Variants in ESRRG observed in about 807,000 individuals in gnomAD.
ESRRG encodes the protein estrogen related receptor gamma.
A neutral mutation model predicts 44.0 loss-of-function variants in ESRRG; 13 were observed. That is an observed-to-expected ratio of 0.30 (90% CI 0.19 to 0.47). ESRRG has a LOEUF of 0.47. Among genes scored for constraint, ESRRG ranks in the 20% least tolerant of loss-of-function variants. ESRRG has a pLI of 1.00. For missense variants in ESRRG, 395 were observed against 580.6 expected (o/e 0.68, Z 3.29); for synonymous variants, 215 against 214.6 (o/e 1.00, Z -0.02).
chr1:217,121,178 G>T (rs1378789722), intron 1 of ESRRG, among the ~76,000 whole-genome samples: 2 of 151,758 alleles, frequency 1.3e-5, no homozygotes, highest in African/African-American at 4.8e-5. Context: ...AGGAACACAT[G>T]AGCAGATACA....
intron 2 of ESRRG, among the ~76,000 whole-genome samples, chr1:216,746,926 T>C (rs1036363582): frequency 1.3e-5 from 2 of 152,204 alleles, no homozygotes; most frequent in Admixed American, 6.6e-5. Flanking sequence ...CTTATTTAAC[T>C]TAATTTTTTT....
At chr1:216,942,347 C>T (rs2065383943) in intron 1 of ESRRG, among the ~76,000 whole-genome samples, 1 of 152,110 alleles carries the variant, frequency 6.6e-6, no homozygotes, top group Non-Finnish European at 1.5e-5. Context: ...CATGTCTTTG[C>T]TATTGTGAAT....
In ESRRG at chr1:216,566,254, A is replaced by C. The variant is rs969246046; in HGVS notation, c.700+1734T>G. ...CACTTTCTCAGCAAAGCTCAGGCAC[A>C]GTCTCTTGACACTTATCTGACAGGA... On this transcript the variant is annotated intron_variant, in intron 4 of 6. Coordinates refer to ENST00000408911, the MANE Select transcript of ESRRG (RefSeq NM_001438.4). 2.0e-5 allele frequency among the ~76,000 whole-genome samples: 3 copies of C among 152,236 alleles called. No individual in the cohort carries two copies. In the East Asian group the frequency reaches 5.8e-4, roughly 29 times the overall value.
chr1:216,588,099 C>A (rs74141615), intron 3 of ESRRG, among the ~76,000 whole-genome samples: 1,737 of 152,122 alleles, frequency 0.011, 39 homozygotes, highest in African/African-American at 0.04. Flanking sequence ...ATGTATTCCC[C>A]CTGGTGGATG....
At chr1:216,723,188 C>G in intron 1 of ESRRG, 56 bp downstream of exon 1, 70 of 1,341,796 alleles carry the variant, frequency 5.2e-5, no homozygotes, top group Non-Finnish European at 6.7e-5. Context: ...AGTCTGTCCG[C>G]CCCCACCCCC....
chr1:217,036,045 C>A (rs2082832316), intron 1 of ESRRG, among the ~76,000 whole-genome samples: 1 of 152,116 alleles, frequency 6.6e-6, no homozygotes, highest in Admixed American at 6.6e-5. Flanking sequence ...ATGCAGCCAA[C>A]AATCATAGGA....
intron 3 of ESRRG, among the ~76,000 whole-genome samples, chr1:216,645,546 A>T (rs180944442): frequency 6.6e-6 from 1 of 152,076 alleles, no homozygotes; most frequent in Non-Finnish European, 1.5e-5. Context: ...ATCACATCAC[A>T]GTATTAGGTA....
chr1:217,136,882 C>T (rs2093057538), intron 1 of ESRRG, among the ~76,000 whole-genome samples: 1 of 152,208 alleles, frequency 6.6e-6, no homozygotes, highest in Non-Finnish European at 1.5e-5. Flanking sequence ...ATAGGACGAT[C>T]AGCACGGATG....
At chr1:216,783,313 C>T (rs2094001819) in intron 2 of ESRRG, among the ~76,000 whole-genome samples, 1 of 152,010 alleles carries the variant, frequency 6.6e-6, no homozygotes, top group Non-Finnish European at 1.5e-5. Flanking sequence ...TGACAACTAC[C>T]ACACATGCGA....
chr1:217,093,386 C>T (rs899981155), upstream of ESRRG, among the ~76,000 whole-genome samples: 2 of 150,266 alleles, frequency 1.3e-5, no homozygotes, highest in Non-Finnish European at 3.0e-5. Flanking sequence ...TTGAAGGATG[C>T]GAAAAAAATG....
At chr1:216,883,259 G>A (rs1342024683) in intron 2 of ESRRG, among the ~76,000 whole-genome samples, 5 of 151,688 alleles carry the variant, frequency 3.3e-5, no homozygotes, top group African/African-American at 9.7e-5. Context: ...GGTGGCAGGT[G>A]CCTTAATTCC....
At chr1:216,572,332 A>C (rs10735488) in intron 3 of ESRRG, among the ~76,000 whole-genome samples, 128,702 of 152,000 alleles carry the variant, frequency 0.85, 54,840 homozygotes, top group Middle Eastern at 0.88. Context: ...AAAACCTACA[A>C]ACAAGGGACA....
At chr1:216,763,218 A>G (rs921171863) in intron 2 of ESRRG, among the ~76,000 whole-genome samples, 15 of 152,102 alleles carry the variant, frequency 9.9e-5, no homozygotes, top group African/African-American at 3.6e-4. Flanking sequence ...ATTTTCATAT[A>G]ATATTTAATA....
chr1:217,065,186 G>C (rs549525870), intron 1 of ESRRG, among the ~76,000 whole-genome samples: 16 of 152,314 alleles, frequency 1.1e-4, no homozygotes, highest in African/African-American at 3.9e-4. Flanking sequence ...CTAGTGATTT[G>C]TGATGTTTTC....
intron 2 of ESRRG, among the ~76,000 whole-genome samples, chr1:216,867,102 C>T (rs1043526556): frequency 6.6e-6 from 1 of 152,074 alleles, no homozygotes; most frequent in Non-Finnish European, 1.5e-5. Flanking sequence ...ATGTATGCAA[C>T]GTGCATGCTG....
chr1:216,599,176 A>T (rs547134313), intron 3 of ESRRG, among the ~76,000 whole-genome samples: 13 of 152,266 alleles, frequency 8.5e-5, no homozygotes, highest in African/African-American at 3.1e-4. Flanking sequence ...GATTTATTTT[A>T]TAATCAACCC....
chr1:216,846,132 G>A (rs1008661553), intron 2 of ESRRG, among the ~76,000 whole-genome samples: 2 of 152,086 alleles, frequency 1.3e-5, no homozygotes, highest in African/African-American at 4.8e-5. Flanking sequence ...TTCATAGTTT[G>A]TTTCTTTTTG....
chr1:216,637,105 C>T lies in ESRRG; in HGVS notation c.589+13868G>A, dbSNP rs996558857. On this transcript the variant is annotated intron_variant, in intron 3 of 6. Transcript: ENST00000408911. ...CAGAGCATGAAAGTGATGCTACAAACGGAAAATGAAATAATCAGACAGCAA... is the reference window on the plus strand; with the variant it reads ...CAGAGCATGAAAGTGATGCTACAAATGGAAAATGAAATAATCAGACAGCAA... 2.6e-5 allele frequency among the ~76,000 whole-genome samples: 4 copies of T among 151,940 alleles called. 1 individual carries two copies. Among genetic ancestry groups the T allele is most frequent in the South Asian group, 4.1e-4 (2 of 4,824 alleles).
At chr1:216,851,894 C>T (rs572204938) in intron 2 of ESRRG, among the ~76,000 whole-genome samples, 2 of 152,088 alleles carry the variant, frequency 1.3e-5, no homozygotes, top group South Asian at 2.1e-4. Context: ...TGGGGCCACA[C>T]TGATATCAAC....
Sources: allele counts gnomAD v4.1 joint callset (sites outside exome capture counted in the v4.1 genomes callset), GRCh38; gene constraint gnomAD v4.1.1; transcripts MANE v1.5; gene names NCBI Gene and HGNC (gene_info 2026-07-23, HGNC 2026-07-21).